The following KLF8 variants were observed in gnomAD, a reference collection of about 807,000 sequenced individuals.
KLF8 encodes the protein Krueppel-like factor 8.
KLF8 carries 10 observed loss-of-function variants against 18.2 expected under a neutral mutation model. The ratio of observed to expected loss-of-function variants is 0.55; its 90% confidence interval spans 0.34 to 0.93. KLF8 has a LOEUF of 0.93. Ranked by LOEUF, KLF8 falls within the 40% of genes least tolerant of loss-of-function variation. The pLI is 0.02. For synonymous variants in KLF8, 109 were observed against 97.3 expected, an observed-to-expected ratio of 1.12 and a Z score of -0.71; for missense variants, 264 against 277.9, an observed-to-expected ratio of 0.95 and a Z score of 0.36.
In KLF8 at chrX:56,270,375, C is replaced by CGAGAGAGAGAGAGAG. The variant is rs758238899; in HGVS notation, c.898+54_898+55insGAGAGAGAGAGAGAG. The CGAGAGAGAGAGAGAG allele has an allele frequency of 2.9e-6, 3 of 1,020,929 alleles. No individual in the cohort carries two copies. In the African/African-American group the frequency reaches 7.7e-5, roughly 26 times the overall value. 84.1% of individuals were successfully genotyped at this position (1,020,929 alleles called of 1,213,427 possible). A position where few individuals can be genotyped will look rare whatever the true frequency, so the allele number is the denominator to read the frequency against. On this transcript the variant is annotated intron_variant, in intron 5 of 5. Transcript: ENST00000468660. Reference sequence around the variant, plus strand: ...ACACACACACACACACACACACACACACACACGAGAGAGAGAGAGAGAGAG... The same window carrying CGAGAGAGAGAGAGAG: ...ACACACACACACACACACACACACACGAGAGAGAGAGAGAGACACACGAGAGAGAGAGAGAGAGAG...
chrX:56,252,364 A>C (rs2066727434), intron 2 of KLF8, among the ~76,000 whole-genome samples: 1 of 110,980 alleles, frequency 9.0e-6, no homozygotes, highest in African/African-American at 3.3e-5. Context: ...CCTCCTCCTC[A>C]ACACCCCACT....
the KLF8 span, among the ~76,000 whole-genome samples, chrX:55,952,096 T>A: frequency 8.9e-6 from 1 of 112,206 alleles, no homozygotes; most frequent in East Asian, 2.8e-4. Context: ...TACTTTTTTG[T>A]CATTGTTGCA....
chrX:56,051,233 C>T, the KLF8 span, among the ~76,000 whole-genome samples: 15 of 111,394 alleles, frequency 1.3e-4, no homozygotes, highest in Non-Finnish European at 2.8e-4. Flanking sequence ...ATTTGCCAGT[C>T]TGTGTCTTTT....
intron 1 of KLF8, 58 bp downstream of exon 1, chrX:56,233,399 C>A: frequency 1.1e-6 from 1 of 922,753 alleles, no homozygotes; most frequent in Non-Finnish European, 1.6e-6. Context: ...TAGATTCTAT[C>A]CCCCTCCCAG....
chrX:55,961,364 A>G, the KLF8 span: 1 of 470,842 alleles, frequency 2.1e-6, no homozygotes, highest in South Asian at 2.3e-5. Flanking sequence ...TTTAAGAGGG[A>G]CACCGATAGC....
the KLF8 span, among the ~76,000 whole-genome samples, chrX:55,923,453 TAAG>T: frequency 9.0e-6 from 1 of 110,780 alleles, no homozygotes; most frequent in Non-Finnish European, 1.9e-5. Context: ...TTTACCTACG[TAAG>T]AAGCCTGCAT....
the KLF8 span, among the ~76,000 whole-genome samples, chrX:56,166,497 A>G: frequency 1.8e-5 from 2 of 112,048 alleles, no homozygotes; most frequent in Non-Finnish European, 3.8e-5. Context: ...CCCTGAAAGT[A>G]TCTTGGGGAT....
the KLF8 span, among the ~76,000 whole-genome samples, chrX:56,151,823 C>T: frequency 9.0e-6 from 1 of 111,057 alleles, no homozygotes; most frequent in African/African-American, 3.3e-5. Flanking sequence ...ATGAGCTCTC[C>T]TTATTGGAGG....
chrX:56,082,380 T>G, the KLF8 span, among the ~76,000 whole-genome samples: 2 of 111,249 alleles, frequency 1.8e-5, no homozygotes, highest in African/African-American at 3.3e-5. Flanking sequence ...GTTTGTCAAT[T>G]TTGTTGACAT....
chrX:56,181,095 CT>C, the KLF8 span, among the ~76,000 whole-genome samples: 9 of 111,287 alleles, frequency 8.1e-5, no homozygotes, highest in Non-Finnish European at 3.8e-5. Context: ...GTGTGGGAGT[CT>C]AAGTGTCTTT....
the KLF8 span, among the ~76,000 whole-genome samples, chrX:56,082,979 G>A: frequency 9.0e-6 from 1 of 111,649 alleles, no homozygotes; most frequent in Non-Finnish European, 1.9e-5. Flanking sequence ...TTGACTTTTG[G>A]CACTTTGAAT....
At chrX:55,949,495 G>T in the KLF8 span, among the ~76,000 whole-genome samples, 1 of 110,912 alleles carries the variant, frequency 9.0e-6, no homozygotes, top group Admixed American at 9.7e-5. Flanking sequence ...TTAGCTCACA[G>T]ACAAGAAAAC....
chrX:56,207,573 A>C, the KLF8 span, among the ~76,000 whole-genome samples: 1 of 111,601 alleles, frequency 9.0e-6, no homozygotes, highest in Non-Finnish European at 1.9e-5. Flanking sequence ...AAAGCATAAC[A>C]AGAGTCACCT....
chrX:56,173,451 T>G, the KLF8 span, among the ~76,000 whole-genome samples: 51 of 111,704 alleles, frequency 4.6e-4, no homozygotes, highest in African/African-American at 1.4e-3. Flanking sequence ...CTGTTCCATT[T>G]GTCTATATCT....
the KLF8 span, chrX:55,961,613 C>A: frequency 2.2e-6 from 1 of 446,836 alleles, no homozygotes. Flanking sequence ...GGAACTGCGA[C>A]CTTAACGATC....
chrX:56,251,867 G>T (rs2066719309), intron 2 of KLF8, among the ~76,000 whole-genome samples: 1 of 111,313 alleles, frequency 9.0e-6, no homozygotes, highest in Non-Finnish European at 1.9e-5. Flanking sequence ...ATGGAGAATG[G>T]GGTATCCATC....
the KLF8 span, among the ~76,000 whole-genome samples, chrX:55,985,380 G>A: frequency 6.3e-5 from 7 of 111,581 alleles, no homozygotes; most frequent in Admixed American, 2.8e-4. Flanking sequence ...ATTAAATAGG[G>A]TGTCTTTAAC....
chrX:56,060,605 T>C, the KLF8 span, among the ~76,000 whole-genome samples: 2 of 111,922 alleles, frequency 1.8e-5, no homozygotes, highest in Non-Finnish European at 3.8e-5. Flanking sequence ...TTATTGAGGA[T>C]TTTTACATCG....
At chrX:56,225,376 G>C in the KLF8 span, among the ~76,000 whole-genome samples, 1 of 110,733 alleles carries the variant, frequency 9.0e-6, no homozygotes, top group East Asian at 2.8e-4. Flanking sequence ...CTGGCCTAGG[G>C]GTCTTTATTA....
Sources: allele counts gnomAD v4.1 joint callset (sites outside exome capture counted in the v4.1 genomes callset), GRCh38; gene constraint gnomAD v4.1.1; transcripts MANE v1.5; gene names NCBI Gene and HGNC (gene_info 2026-07-23, HGNC 2026-07-21).